The following FRMD4A variants were observed in gnomAD, a reference collection of about 807,000 sequenced individuals.
FRMD4A encodes the protein FERM domain containing 4A.
In FRMD4A, 29 loss-of-function variants were observed where a neutral mutation model predicts 129.1. That is an observed-to-expected ratio of 0.22 (90% CI 0.17 to 0.31). The LOEUF is 0.31. Among genes scored for constraint, FRMD4A ranks in the 10% least tolerant of loss-of-function variants. FRMD4A has a pLI of 1.00. For synonymous variants in FRMD4A, 634 were observed against 571.6 expected, an observed-to-expected ratio of 1.11 and a Z score of -1.56; for missense variants, 1,272 against 1,375.8, an observed-to-expected ratio of 0.92 and a Z score of 1.19.
intron 2 of FRMD4A, among the ~76,000 whole-genome samples, chr10:13,863,715 C>T (rs1378915575): frequency 1.3e-5 from 2 of 151,586 alleles, no homozygotes; most frequent in African/African-American, 2.4e-5. Flanking sequence ...GGGTGGTTTA[C>T]ACCACTCCAC....
At chr10:13,971,579 GC>G in intron 2 of FRMD4A, 1 of 820,278 alleles carries the variant, frequency 1.2e-6, no homozygotes, top group South Asian at 1.4e-5. Context: ...TGTGACAATA[GC>G]TCATGCCCCC....
intron 2 of FRMD4A, among the ~76,000 whole-genome samples, chr10:14,169,025 T>C (rs1294820197): frequency 6.6e-6 from 1 of 152,224 alleles, no homozygotes. Context: ...GTCAGTAGTT[T>C]AATAAATGCA....
chr10:13,701,583 C>A, intron 13 of FRMD4A, 105 bp from the exon 14 acceptor site: 1 of 1,015,714 alleles, frequency 9.8e-7, no homozygotes, highest in South Asian at 1.5e-5. Flanking sequence ...GAAGCCCTGG[C>A]GTAAAGATGA....
At chr10:14,140,886 C>T (rs1159042536) in intron 2 of FRMD4A, among the ~76,000 whole-genome samples, 2 of 152,106 alleles carry the variant, frequency 1.3e-5, no homozygotes, top group Non-Finnish European at 2.9e-5. Flanking sequence ...CCAAATAAAG[C>T]AGGGGCTCAG....
intron 3 of FRMD4A, among the ~76,000 whole-genome samples, chr10:13,841,573 A>ATGCTGAG (rs2093966156): frequency 6.6e-6 from 1 of 152,174 alleles, no homozygotes; most frequent in Non-Finnish European, 1.5e-5. Context: ...AAAACTCAGG[A>ATGCTGAG]TGCTGAGACT....
intron 2 of FRMD4A, among the ~76,000 whole-genome samples, chr10:14,073,812 A>G (rs1305185272): frequency 6.6e-6 from 1 of 152,182 alleles, no homozygotes; most frequent in Non-Finnish European, 1.5e-5. Context: ...TGGGTCACCA[A>G]AAGTTCCTTT....
At chr10:13,831,018 G>C (rs933480057) in intron 3 of FRMD4A, among the ~76,000 whole-genome samples, 12 of 152,184 alleles carry the variant, frequency 7.9e-5, no homozygotes, top group African/African-American at 2.7e-4. Flanking sequence ...TTGAGCTCCT[G>C]ACCTCAAGTG....
At position 14,045,460 on chromosome 10, in the gene FRMD4A, G is replaced by A. The variant is rs1833948863; in HGVS notation, c.46-186548C>T. On this transcript the variant is annotated intron_variant, in intron 2 of 24. Transcript: ENST00000357447. ...GACATGTCTATTACGCACACACTTT[G>A]CCCCCTTTCATGGTGAGTTATATAC... 2.0e-5 allele frequency among the ~76,000 whole-genome samples: 3 copies of A among 152,016 alleles called. No homozygotes were observed. The South Asian group carries it at 6.2e-4, about 32-fold the overall frequency.
chr10:13,647,574 T>C (rs1243729635), intron 24 of FRMD4A: 3 of 152,196 alleles, frequency 2.0e-5, no homozygotes, highest in African/African-American at 7.2e-5. Context: ...AATGTGAGTT[T>C]TCCCTATAGT....
chr10:13,697,359 G>A (rs1417407193), intron 14 of FRMD4A, among the ~76,000 whole-genome samples: 3 of 152,178 alleles, frequency 2.0e-5, no homozygotes, highest in Non-Finnish European at 4.4e-5. Flanking sequence ...TGTTGGCCAG[G>A]CTGGTGTCAA....
intron 2 of FRMD4A, among the ~76,000 whole-genome samples, chr10:14,220,216 C>G (rs1244019972): frequency 6.6e-6 from 1 of 152,176 alleles, no homozygotes; most frequent in Non-Finnish European, 1.5e-5. Flanking sequence ...AAAGGGGCTC[C>G]CACACACCAA....
At chr10:13,802,561 T>G (rs2093277406) in intron 4 of FRMD4A, among the ~76,000 whole-genome samples, 1 of 152,156 alleles carries the variant, frequency 6.6e-6, no homozygotes, top group Non-Finnish European at 1.5e-5. Context: ...AAGCGATCCT[T>G]CTGCCTCAGC....
At chr10:13,757,684 C>T (rs977915104) in intron 8 of FRMD4A, among the ~76,000 whole-genome samples, 7 of 152,180 alleles carry the variant, frequency 4.6e-5, no homozygotes, top group African/African-American at 9.7e-5. Context: ...AGAGTAGCTA[C>T]GGTTCACAGT....
chr10:13,748,089 T>C (rs1326350079), intron 8 of FRMD4A, among the ~76,000 whole-genome samples: 1 of 152,070 alleles, frequency 6.6e-6, no homozygotes, highest in Non-Finnish European at 1.5e-5. Flanking sequence ...CAAACCCTGC[T>C]CTCACTGAAG....
At chr10:14,319,062 T>A (rs1425809442) in intron 2 of FRMD4A, among the ~76,000 whole-genome samples, 1 of 152,202 alleles carries the variant, frequency 6.6e-6, no homozygotes, top group East Asian at 1.9e-4. Context: ...TCTAACGTTA[T>A]GGTTCACAGA....
chr10:14,131,617 G>T (rs1839265861), intron 2 of FRMD4A, among the ~76,000 whole-genome samples: 1 of 152,146 alleles, frequency 6.6e-6, no homozygotes, highest in Admixed American at 6.5e-5. Context: ...TCCATGTGAG[G>T]CTTCTGATCC....
At chr10:13,876,694 T>C (rs959053979) in intron 2 of FRMD4A, among the ~76,000 whole-genome samples, 1 of 152,150 alleles carries the variant, frequency 6.6e-6, no homozygotes, top group African/African-American at 2.4e-5. Flanking sequence ...GGTCTTATTA[T>C]ACAATAAGTT....
intron 2 of FRMD4A, among the ~76,000 whole-genome samples, chr10:13,929,606 T>C (rs764781140): frequency 6.6e-6 from 1 of 152,098 alleles, no homozygotes; most frequent in Non-Finnish European, 1.5e-5. Flanking sequence ...CCTGAAAAAA[T>C]TGGGGGACAG....
chr10:14,161,626 A>G (rs368565654), intron 2 of FRMD4A, among the ~76,000 whole-genome samples: 6 of 152,330 alleles, frequency 3.9e-5, no homozygotes, highest in African/African-American at 1.4e-4. Context: ...TCTCGTAGAG[A>G]CAGAGAGTAG....
Sources: allele counts gnomAD v4.1 joint callset (sites outside exome capture counted in the v4.1 genomes callset), GRCh38; gene constraint gnomAD v4.1.1; transcripts MANE v1.5; gene names NCBI Gene and HGNC (gene_info 2026-07-23, HGNC 2026-07-21).